Variants in PLEKHM3 observed in about 807,000 individuals in gnomAD.
The protein encoded by PLEKHM3 is pleckstrin homology domain-containing family M member 3.
PLEKHM3 carries 45 observed loss-of-function variants against 81.8 expected under a neutral mutation model. The observed-to-expected ratio is 0.55, with a 90% CI of 0.43 to 0.71. The LOEUF (loss-of-function observed/expected upper bound fraction) is 0.71. PLEKHM3 is among the 30% of genes least tolerant of loss of function. PLEKHM3 has a pLI of 0.00. For missense variants in PLEKHM3, 788 were observed against 924.3 expected (o/e 0.85, Z 1.91); for synonymous variants, 352 against 356.4 (o/e 0.99, Z 0.14).
intron 3 of PLEKHM3, among the ~76,000 whole-genome samples, chr2:207,951,033 T>C (rs1249613359): frequency 6.6e-6 from 1 of 152,236 alleles, no homozygotes; most frequent in Non-Finnish European, 1.5e-5. Flanking sequence ...TGCCATTTAT[T>C]TGAAGAAGGA....
At chr2:207,831,616 A>G (rs1421348985) in intron 7 of PLEKHM3, among the ~76,000 whole-genome samples, 1 of 152,212 alleles carries the variant, frequency 6.6e-6, no homozygotes, top group East Asian at 1.9e-4. Context: ...TTTTAAGTGG[A>G]AGGACTACGC....
intron 3 of PLEKHM3, among the ~76,000 whole-genome samples, chr2:207,956,718 ATT>A (rs1170073686): frequency 0.015 from 1,033 of 68,980 alleles, 4 homozygotes; most frequent in African/African-American, 0.05. Context: ...GCTGATTAAA[ATT>A]TTTTTTTTTT....
chr2:207,907,255 A>G (rs1402085745), intron 6 of PLEKHM3, among the ~76,000 whole-genome samples: 2 of 152,192 alleles, frequency 1.3e-5, no homozygotes, highest in Non-Finnish European at 2.9e-5. Context: ...TAATACCAGC[A>G]CTTTAGGAGG....
At chr2:207,898,390 C>A (rs1688311369) in intron 6 of PLEKHM3, among the ~76,000 whole-genome samples, 1 of 152,158 alleles carries the variant, frequency 6.6e-6, no homozygotes, top group Non-Finnish European at 1.5e-5. Flanking sequence ...GGGACAGATG[C>A]CATTTGCCTG....
intron 2 of PLEKHM3, among the ~76,000 whole-genome samples, chr2:207,997,369 C>T (rs955368973): frequency 6.6e-6 from 1 of 152,030 alleles, no homozygotes; most frequent in Non-Finnish European, 1.5e-5. Context: ...GGACTTACTA[C>T]AGGAGGAAGG....
chr2:207,898,157 T>C (rs1027409809), intron 6 of PLEKHM3, among the ~76,000 whole-genome samples: 1 of 152,228 alleles, frequency 6.6e-6, no homozygotes, highest in Non-Finnish European at 1.5e-5. Context: ...AAGCAGGCAT[T>C]CTCTATTATA....
chr2:208,007,185 C>T (rs1574486970), intron 1 of PLEKHM3, among the ~76,000 whole-genome samples: 1 of 152,230 alleles, frequency 6.6e-6, no homozygotes, highest in South Asian at 2.1e-4. Context: ...ATGGCAAAGA[C>T]ACCTAGGACA....
At chr2:207,889,004 A>C (rs754888465) in intron 6 of PLEKHM3, among the ~76,000 whole-genome samples, 26 of 152,146 alleles carry the variant, frequency 1.7e-4, no homozygotes, top group Non-Finnish European at 2.9e-5. Flanking sequence ...TGAGTTCCAC[A>C]CTCTACCTAT....
intron 4 of PLEKHM3, among the ~76,000 whole-genome samples, chr2:207,945,682 A>G (rs1690099908): frequency 6.6e-6 from 1 of 152,172 alleles, no homozygotes; most frequent in Non-Finnish European, 1.5e-5. Flanking sequence ...CAGGCAGATC[A>G]TTTGAGGTCA....
chr2:207,883,443 G>A (rs1470194673), intron 6 of PLEKHM3, among the ~76,000 whole-genome samples: 1 of 152,188 alleles, frequency 6.6e-6, no homozygotes, highest in African/African-American at 2.4e-5. Context: ...TTGGAAATAA[G>A]GTGCTAGTGA....
At chr2:208,004,246 C>T (rs1397867360) in intron 1 of PLEKHM3, among the ~76,000 whole-genome samples, 7 of 151,944 alleles carry the variant, frequency 4.6e-5, no homozygotes. Context: ...GAAACCTCAT[C>T]TCTGCTAAAA....
chr2:207,923,895 A>AT, intron 5 of PLEKHM3, among the ~76,000 whole-genome samples: 8 of 81,304 alleles, frequency 9.8e-5, no homozygotes, highest in Non-Finnish European at 1.5e-4. Flanking sequence ...ATATATATAT[A>AT]TATATATATA....
chr2:207,901,270 T>C (rs1688418043), intron 6 of PLEKHM3: 1 of 703,046 alleles, frequency 1.4e-6, no homozygotes, highest in Non-Finnish European at 2.6e-6. Context: ...CCTTCAATCA[T>C]CTGTGGATCA....
At chr2:207,980,449 C>T (rs192608886) in intron 2 of PLEKHM3, among the ~76,000 whole-genome samples, 1 of 152,290 alleles carries the variant, frequency 6.6e-6, no homozygotes, top group East Asian at 1.9e-4. Flanking sequence ...TTTCCCCACT[C>T]ACTAAGCAAC....
chr2:207,988,060 C>A (rs1691784439), intron 2 of PLEKHM3, among the ~76,000 whole-genome samples: 2 of 152,172 alleles, frequency 1.3e-5, no homozygotes, highest in South Asian at 4.1e-4. Flanking sequence ...TATCTTTAAT[C>A]CTGATAATCT....
intron 3 of PLEKHM3, among the ~76,000 whole-genome samples, chr2:207,959,924 T>A (rs1690674035): frequency 6.6e-6 from 1 of 152,242 alleles, no homozygotes; most frequent in Non-Finnish European, 1.5e-5. Context: ...GTGTATTTTC[T>A]CTTCCTTTAT....
intron 6 of PLEKHM3, among the ~76,000 whole-genome samples, chr2:207,894,918 C>T (rs769270574): frequency 6.6e-6 from 1 of 151,980 alleles, no homozygotes; most frequent in Non-Finnish European, 1.5e-5. Context: ...AATAATAGTA[C>T]CTATTATTAT....
At position 207,931,012 on chromosome 2, in the gene PLEKHM3, G is replaced by C; in HGVS notation, c.1800C>G (p.Ala600=). ...TCAGCCGCTGCCGCAGCCGCAGCAC[G>C]GCGGCCAGCGGCTCTGCGTGGTGGT... ...MLYHHAEPLA[A]VLRLRQRLKS... is the part of the protein sequence containing the mutation. The change falls in exon 5 of 8, where the codon GCC becomes GCG. Residue 600 remains alanine (A), a synonymous_variant. Coordinates refer to ENST00000427836, the MANE Select transcript of PLEKHM3 (RefSeq NM_001080475.3). The C allele has an allele frequency of 6.2e-7, 1 of 1,613,982 alleles. No individual in the cohort carries two copies.
chr2:207,845,945 A>G (rs2092379462), intron 7 of PLEKHM3, among the ~76,000 whole-genome samples: 1 of 152,210 alleles, frequency 6.6e-6, no homozygotes, highest in South Asian at 2.1e-4. Context: ...GGAAAACATC[A>G]TGACAAACTA....
Sources: gnomAD v4.1 joint callset for allele counts (sites outside exome capture counted in the v4.1 genomes callset) on GRCh38, gnomAD v4.1.1 for gene constraint, MANE v1.5 for transcripts, NCBI Gene and HGNC (gene_info 2026-07-23, HGNC 2026-07-21) for gene names.